The following UBQLN1 variants were observed in gnomAD, a reference collection of about 807,000 sequenced individuals.
UBQLN1 encodes the protein ubiquilin 1, also known as ubiquilin-1.
Under a neutral mutation model 65.4 loss-of-function variants are expected in UBQLN1, and 13 were observed. The ratio of observed to expected loss-of-function variants is 0.20; its 90% confidence interval spans 0.13 to 0.32. The LOEUF (loss-of-function observed/expected upper bound fraction) is 0.32. Ranked by LOEUF, UBQLN1 falls within the 10% of genes least tolerant of loss-of-function variation. The pLI is 1.00. For missense variants in UBQLN1, 561 were observed against 724.0 expected, an observed-to-expected ratio of 0.77 and a Z score of 2.58; for synonymous variants, 267 against 247.8, an observed-to-expected ratio of 1.08 and a Z score of -0.73.
chr9:83,699,406 A>G (rs1272575730), intron 1 of UBQLN1, among the ~76,000 whole-genome samples: 2 of 152,170 alleles, frequency 1.3e-5, no homozygotes, highest in Non-Finnish European at 2.9e-5. Flanking sequence ...CTGCGGTGCA[A>G]TCATAGCTCA....
intron 1 of UBQLN1, among the ~76,000 whole-genome samples, chr9:83,697,485 G>C (rs575237616): frequency 3.4e-5 from 5 of 146,134 alleles, no homozygotes; most frequent in African/African-American, 1.3e-4. Context: ...CCAGGGGGCG[G>C]AGGTTGCAGT....
Position 83,707,734 on chromosome 9 carries a change from CAAG to C in UBQLN1, c.-58_-56del. 1 of 1,501,330 alleles carries C rather than the reference CAAG, an allele frequency of 6.7e-7. No individual in the cohort carries two copies. The highest frequency in any genetic ancestry group is 1.2e-5 in the South Asian group (1 of 80,452). 93.0% of individuals were successfully genotyped at this position (1,501,330 alleles called of 1,614,324 possible). ...AGGCAAGCAGGAGGGAGCAGGCGAG[CAAG>C]GAGGAGCCAGCAGACACCAGAGCCG... is the stretch of plus-strand genomic sequence containing the variant. On this transcript the variant is annotated 5_prime_UTR_variant, in exon 1 of 11. Coordinates refer to ENST00000376395, the MANE Select transcript of UBQLN1 (RefSeq NM_013438.5).
At chr9:83,688,169 T>A (rs1587654671) in intron 1 of UBQLN1, among the ~76,000 whole-genome samples, 1 of 152,158 alleles carries the variant, frequency 6.6e-6, no homozygotes, top group East Asian at 1.9e-4. Flanking sequence ...AATGCAAACA[T>A]CAGGTATATA....
At position 83,677,927 on chromosome 9, in the gene UBQLN1, T is replaced by C. The variant is rs544334704; in HGVS notation, c.905A>G (p.Asn302Ser). 2.7e-5 allele frequency: 43 copies of C among 1,614,070 alleles called. No individual in the cohort carries two copies. In the Admixed American group the frequency reaches 3.2e-4, roughly 12 times the overall value. Residue 302 changes from asparagine to serine, a missense_variant, in exon 6 of 11, where the codon AAT becomes AGT. Asn to Ser is a conservative substitution (Grantham distance 46). This residue lies in a region of UBQLN1 where 89 missense variants were observed against 77.8 expected (regional missense o/e 1.14). Coordinates refer to ENST00000376395, the MANE Select transcript of UBQLN1 (RefSeq NM_013438.5). ...GGNPFASLVS[N>S]TSSGEGSQPS... ...TTGACTACCTTCACCAGAGGATGTA[T>C]TGCTCACCAAGGAAGCAAATGGATT... is the stretch of plus-strand genomic sequence containing the variant.
intron 6 of UBQLN1, among the ~76,000 whole-genome samples, chr9:83,669,918 T>C (rs1831703902): frequency 6.6e-6 from 1 of 152,354 alleles, no homozygotes; most frequent in East Asian, 1.9e-4. Context: ...CTAACCCATG[T>C]GATCTTGGGC....
chr9:83,682,310 C>T (rs887019369), intron 3 of UBQLN1, among the ~76,000 whole-genome samples: 1 of 151,684 alleles, frequency 6.6e-6, no homozygotes, highest in African/African-American at 2.4e-5. Context: ...ATATATTCCA[C>T]AGAACCTCAA....
At chr9:83,674,482 A>T (rs1315824298) in intron 6 of UBQLN1, among the ~76,000 whole-genome samples, 1 of 152,212 alleles carries the variant, frequency 6.6e-6, no homozygotes, top group Non-Finnish European at 1.5e-5. Flanking sequence ...AAAAATGAAA[A>T]TAAGACTGCA....
chr9:83,702,872 CTAAGTA>C (rs1250416856), intron 1 of UBQLN1, among the ~76,000 whole-genome samples: 2 of 152,122 alleles, frequency 1.3e-5, no homozygotes, highest in South Asian at 2.1e-4. Context: ...TAAATTATGT[CTAAGTA>C]TATTAATATT....
At position 83,707,770 on chromosome 9, in the gene UBQLN1, T is replaced by C. The variant is rs995861372; in HGVS notation, c.-91A>G. 7.8e-5 allele frequency: 113 copies of C among 1,449,606 alleles called. No homozygotes were observed. Among genetic ancestry groups the C allele is most frequent in the Non-Finnish European group, 1.0e-4 (112 of 1,110,100 alleles). The allele number at this position is 1,449,606 out of a possible 1,614,324, so 89.8% of individuals were successfully genotyped here. On this transcript the variant is annotated 5_prime_UTR_variant, in exon 1 of 11. Transcript: ENST00000376395. Reference sequence around the variant, plus strand: ...CAGCAGACACCAGAGCCGGCAGGCCTGGACAGCGAAGAATGCAGAGCACGC... The same window carrying C: ...CAGCAGACACCAGAGCCGGCAGGCCCGGACAGCGAAGAATGCAGAGCACGC...
chr9:83,677,605 T>C (rs1831857443), intron 6 of UBQLN1, 122 bp downstream of exon 6: 2 of 698,386 alleles, frequency 2.9e-6, no homozygotes, highest in Non-Finnish European at 4.5e-6. Flanking sequence ...ATGAAAAATA[T>C]AGTTTATAAA....
intron 1 of UBQLN1, among the ~76,000 whole-genome samples, chr9:83,694,165 C>T (rs1017394904): frequency 9.2e-5 from 14 of 152,300 alleles, no homozygotes; most frequent in Admixed American, 1.3e-4. Flanking sequence ...TGGGAATCAA[C>T]CTATCCAAAA....
At position 83,666,376 on chromosome 9, in the gene UBQLN1, G is replaced by T. The variant is rs200927958; in HGVS notation, c.1306C>A (p.Gln436Lys). 19 of 1,613,738 alleles carry T rather than the reference G, an allele frequency of 1.2e-5. No homozygotes were observed. The highest frequency in any genetic ancestry group is 1.5e-5 in the Non-Finnish European group (18 of 1,179,806). The part of the protein sequence containing the change: ...GNPQLQEQMR[Q>K]QLPTFLQQMQ... Reference sequence around the variant, plus strand: ...TGTTGGAGGAAAGTTGGGAGCTGTTGTCTCATTTGTTCTTGAAGCTGAGGA... The same window carrying T: ...TGTTGGAGGAAAGTTGGGAGCTGTTTTCTCATTTGTTCTTGAAGCTGAGGA... The change falls in exon 8 of 11, where the codon CAA becomes AAA. Residue 436 changes from glutamine to lysine, a missense_variant. Physicochemically the swap from Gln to Lys is moderately conservative, Grantham distance 53. Coordinates refer to ENST00000376395, the MANE Select transcript of UBQLN1 (RefSeq NM_013438.5).
intron 1 of UBQLN1, among the ~76,000 whole-genome samples, chr9:83,696,010 G>A (rs1832209031): frequency 6.6e-6 from 1 of 151,982 alleles, no homozygotes; most frequent in Admixed American, 6.6e-5. Flanking sequence ...CACGATCTCA[G>A]CTCACTGCAA....
chr9:83,684,264 G>C (rs1184521435), intron 2 of UBQLN1, among the ~76,000 whole-genome samples: 2 of 151,584 alleles, frequency 1.3e-5, no homozygotes, highest in South Asian at 4.2e-4. Context: ...GCATGATCTC[G>C]GCTCACTGTA....
rs1168744674 is a variant in UBQLN1, at chr9:83,669,091, C to T, written c.1248+94G>A. 7 of 1,408,360 alleles carry T rather than the reference C, an allele frequency of 5.0e-6. No homozygotes were observed. The East Asian group carries it at 1.2e-4, about 25-fold the overall frequency. The allele number at this position is 1,408,360 out of a possible 1,614,324, so 87.2% of individuals were successfully genotyped here. ...TTATTTTTCTAGTGTATTAAGATATCATACACAACACAAATGTGCCAAAAT... is the reference window on the plus strand; with the variant it reads ...TTATTTTTCTAGTGTATTAAGATATTATACACAACACAAATGTGCCAAAAT... On this transcript the variant is annotated intron_variant, in intron 7 of 10. Coordinates refer to ENST00000376395, the MANE Select transcript of UBQLN1 (RefSeq NM_013438.5).
intron 1 of UBQLN1, among the ~76,000 whole-genome samples, chr9:83,705,881 A>G (rs1832395622): frequency 6.7e-6 from 1 of 149,694 alleles, no homozygotes; most frequent in African/African-American, 2.5e-5. Flanking sequence ...TATAGGCTCT[A>G]TGGGATCCCA....
rs943982656 is a variant in UBQLN1, at chr9:83,707,803, G to C, written c.-124C>G. 1.3e-5 allele frequency: 18 copies of C among 1,347,524 alleles called. 1 individual carries two copies. The Admixed American group carries it at 5.3e-4, about 40-fold the overall frequency. 83.5% of individuals were successfully genotyped at this position (1,347,524 alleles called of 1,614,324 possible). A position where few individuals can be genotyped will look rare whatever the true frequency, so the allele number is the denominator to read the frequency against. ...GAAGAATGCAGAGCACGCCGCCTCAGTAGCAACGGGCGCAGGGCCACCGTA... is the reference window on the plus strand; with the variant it reads ...GAAGAATGCAGAGCACGCCGCCTCACTAGCAACGGGCGCAGGGCCACCGTA... On this transcript the variant is annotated 5_prime_UTR_variant, in exon 1 of 11. Coordinates refer to ENST00000376395, the MANE Select transcript of UBQLN1 (RefSeq NM_013438.5).
intron 6 of UBQLN1, among the ~76,000 whole-genome samples, chr9:83,671,955 G>A (rs551619187): frequency 4.0e-4 from 61 of 152,318 alleles, no homozygotes; most frequent in African/African-American, 1.3e-3. Flanking sequence ...GATCTTAGGA[G>A]ATCTTCTGGA....
chr9:83,664,125 A>G, intron 9 of UBQLN1, 82 bp from the exon 10 acceptor site: 23 of 1,457,806 alleles, frequency 1.6e-5, no homozygotes, highest in East Asian at 2.3e-5. Flanking sequence ...TTTTAATATA[A>G]GCTAAGCCAT....
Sources: gnomAD v4.1 joint callset for allele counts (sites outside exome capture counted in the v4.1 genomes callset) on GRCh38, gnomAD v4.1.1 for gene constraint, gnomAD v4.1.1 regional missense constraint, MANE v1.5 for transcripts, NCBI Gene and HGNC (gene_info 2026-07-23, HGNC 2026-07-21) for gene names.